The following TMEM43 variants were observed in gnomAD, a reference collection of about 807,000 sequenced individuals.
TMEM43 encodes arrhythmogenic right ventricular dysplasia 5.
A neutral mutation model predicts 49.6 loss-of-function variants in TMEM43; 45 were observed. The ratio of observed to expected loss-of-function variants is 0.91; its 90% CI spans 0.71 to 1.16. The LOEUF (loss-of-function observed/expected upper bound fraction) is 1.16. Ranked by LOEUF, TMEM43 falls within the 50% of genes most tolerant of loss-of-function variation. The pLI is 0.00. For synonymous variants in TMEM43, 199 were observed against 207.8 expected (o/e 0.96, Z 0.36); for missense variants, 532 against 516.6 (o/e 1.03, Z -0.29).
rs1216534551 is a variant in TMEM43, at chr3:14,143,515, T to C, written c.*1720T>C. 6.6e-6 allele frequency: 1 copy of C among 152,242 alleles called. No homozygotes were observed. Among genetic ancestry groups the C allele is most frequent in the African/African-American group, 2.4e-5 (1 of 41,466 alleles). The allele number at this position is 152,242 out of a possible 1,614,324, so 9.4% of individuals were successfully genotyped here. On this transcript the variant is annotated 3_prime_UTR_variant, in exon 12 of 12. Transcript: ENST00000306077. ...TAGATGATGACTAAATGCAAAATCC[T>C]TGGGCTTTGGTTTTTTTCTAGTAAG...
At chr3:14,139,116 G>C (rs563110363) in intron 10 of TMEM43, 64 bp from the exon 11 acceptor site, 4 of 1,224,572 alleles carry the variant, frequency 3.3e-6, no homozygotes, top group Non-Finnish European at 3.6e-6. Flanking sequence ...CTCAGGACCT[G>C]CCCTGCCGAC....
chr3:14,133,098 C>G (rs539231825), intron 6 of TMEM43, among the ~76,000 whole-genome samples, 163 bp downstream of exon 6: 1 of 152,336 alleles, frequency 6.6e-6, no homozygotes, highest in South Asian at 2.1e-4. Context: ...ACCAGGAACA[C>G]AGAGACTTGT....
intron 6 of TMEM43, 104 bp from the exon 7 acceptor site, chr3:14,133,635 G>T (rs1481452588): frequency 2.3e-5 from 24 of 1,062,008 alleles, no homozygotes; most frequent in South Asian, 2.5e-5. Flanking sequence ...ATCTGGACTT[G>T]CAGGAACCCC....
At position 14,126,290 on chromosome 3, in the gene TMEM43, C is replaced by T. The variant is rs143476164; in HGVS notation, c.12+1085C>T. 3.7e-3 allele frequency among the ~76,000 whole-genome samples: 569 copies of T among 152,318 alleles called. 1 individual carries two copies. The highest frequency in any genetic ancestry group is 0.013 in the African/African-American group (546 of 41,564). ...TCAGAGGTATTCGGAGAGACTCAGGCTCGGCCAGGCGAGAGGGCAGTCAGG... is the reference window on the plus strand; with the variant it reads ...TCAGAGGTATTCGGAGAGACTCAGGTTCGGCCAGGCGAGAGGGCAGTCAGG... On this transcript the variant is annotated intron_variant, in intron 1 of 11. Coordinates refer to ENST00000306077, the MANE Select transcript of TMEM43 (RefSeq NM_024334.3).
intron 4 of TMEM43, 35 bp from the exon 5 acceptor site, chr3:14,132,511 G>A (rs952837460): frequency 4.3e-6 from 7 of 1,613,716 alleles, no homozygotes; most frequent in African/African-American, 4.0e-5. Context: ...GGGGCGACGA[G>A]GCTAACCCCC....
chr3:14,131,413 G>A (rs887403588), intron 3 of TMEM43, among the ~76,000 whole-genome samples, 167 bp from the exon 4 acceptor site: 2 of 152,220 alleles, frequency 1.3e-5, no homozygotes, highest in African/African-American at 4.8e-5. Flanking sequence ...AAAGAACCTG[G>A]GACAGGGAGT....
rs745694031 is a variant in TMEM43 at position 14,130,820 on chromosome 3, A to T, written c.163-2A>T. On this transcript the variant is annotated splice_acceptor_variant, in intron 2 of 11. Coordinates refer to ENST00000306077, the MANE Select transcript of TMEM43 (RefSeq NM_024334.3). LOFTEE classifies it high-confidence loss of function. ...GAAATCCCCACTCCCCTTTGCTCCC[A>T]GGGCCGCGCATTGAAGACGGCAACC... is the stretch of plus-strand genomic sequence containing the variant. 1 of 1,613,564 alleles carries T rather than the reference A, an allele frequency of 6.2e-7. No individual in the cohort carries two copies. The highest frequency in any genetic ancestry group is 1.7e-5 in the Admixed American group (1 of 59,928).
intron 11 of TMEM43, 23 bp downstream of exon 11, chr3:14,139,320 G>C: frequency 1.3e-6 from 2 of 1,538,092 alleles, no homozygotes; most frequent in South Asian, 1.1e-5. Flanking sequence ...GTGGGTCACT[G>C]CCCTCCCTCC....
At position 14,134,821 on chromosome 3, in the gene TMEM43, A is replaced by C; in HGVS notation, c.635A>C (p.Glu212Ala). The C allele has an allele frequency of 6.2e-7, 1 of 1,614,194 alleles. No homozygotes were observed. Among genetic ancestry groups the C allele is most frequent in the Non-Finnish European group, 8.5e-7 (1 of 1,180,020 alleles). ...AAGTCCCTGAGCCTATCCAAGCTGG[A>C]GGACCCTCATGTGGACATCATTCGC... is the stretch of plus-strand genomic sequence containing the variant. ...NFKSLSLSKL[E>A]DPHVDIIRRG... The change falls in exon 8 of 12, where the codon GAG becomes GCG. Residue 212 changes from glutamate (E) to alanine (A), a missense_variant. Glu to Ala is a moderately radical substitution (Grantham distance 107). Transcript: ENST00000306077.
chr3:14,130,805 C>T lies in TMEM43; in HGVS notation c.163-17C>T, dbSNP rs1695082822. The T allele has an allele frequency of 6.2e-7, 1 of 1,613,372 alleles. No homozygotes were observed. Among genetic ancestry groups the T allele is most frequent in the Non-Finnish European group, 8.5e-7 (1 of 1,179,744 alleles). On this transcript the variant is annotated splice_polypyrimidine_tract_variant and intron_variant, in intron 2 of 11. Transcript: ENST00000306077. ...CACCCCTGAGCTGTTGAAATCCCCACTCCCCTTTGCTCCCAGGGCCGCGCA... is the reference window on the plus strand; with the variant it reads ...CACCCCTGAGCTGTTGAAATCCCCATTCCCCTTTGCTCCCAGGGCCGCGCA...
intron 2 of TMEM43, among the ~76,000 whole-genome samples, chr3:14,130,173 T>A (rs1214707554): frequency 6.6e-6 from 1 of 152,060 alleles, no homozygotes; most frequent in Non-Finnish European, 1.5e-5. Flanking sequence ...TATTTCTAAA[T>A]CAATTTAGCA....
chr3:14,135,744 G>T, intron 9 of TMEM43, 63 bp from the exon 10 acceptor site: 5 of 1,437,454 alleles, frequency 3.5e-6, no homozygotes, highest in Non-Finnish European at 2.9e-6. Flanking sequence ...GGTGGGCCAT[G>T]GCTCTCGTGG....
intron 11 of TMEM43, among the ~76,000 whole-genome samples, chr3:14,140,507 G>A (rs965044804): frequency 2.6e-5 from 4 of 152,140 alleles, no homozygotes; most frequent in African/African-American, 7.2e-5. Flanking sequence ...AAATACCAAC[G>A]TGTGTAAGAC....
At chr3:14,129,685 T>G in intron 2 of TMEM43, 124 bp downstream of exon 2, 4 of 1,023,014 alleles carry the variant, frequency 3.9e-6, no homozygotes, top group Non-Finnish European at 5.9e-6. Flanking sequence ...GAAAGGAGGA[T>G]ACTGAGTTAA....
chr3:14,128,954 C>G (rs1695055625), intron 1 of TMEM43: 1 of 456,520 alleles, frequency 2.2e-6, no homozygotes, highest in Non-Finnish European at 4.4e-6. Flanking sequence ...TGAAAAGGAA[C>G]AAATTCCTGA....
intron 10 of TMEM43, chr3:14,137,089 T>G (rs1438421058): frequency 6.7e-6 from 1 of 149,540 alleles, no homozygotes; most frequent in Non-Finnish European, 1.5e-5. Context: ...TGACCTTTTG[T>G]TCCTATTATT....
At chr3:14,134,267 T>C (rs1340416476) in intron 7 of TMEM43, among the ~76,000 whole-genome samples, 2 of 152,164 alleles carry the variant, frequency 1.3e-5, no homozygotes, top group Non-Finnish European at 2.9e-5. Context: ...TTGCAAGGGA[T>C]AAGGTGGCAC....
rs745493638 is a variant in TMEM43, at chr3:14,136,728, G to A, written c.882+820G>A. Among the ~76,000 whole-genome samples the A allele has an allele frequency of 8.8e-5, 12 of 136,384 alleles. 1 individual carries two copies. Among genetic ancestry groups the A allele is most frequent in the Non-Finnish European group, 1.5e-4 (10 of 67,456 alleles). 89.5% of individuals were successfully genotyped at this position (136,384 alleles called of 152,430 possible). A position where few individuals can be genotyped will look rare whatever the true frequency, so the allele number is the denominator to read the frequency against. On this transcript the variant is annotated intron_variant, in intron 10 of 11. Transcript: ENST00000306077. ...GGGTGGGGGGGCTCCACCAAAGTCT[G>A]TGTCCTTCCAGAACATTAGGAGGGC...
At chr3:14,129,744 A>AG (rs1352334258) in intron 2 of TMEM43, among the ~76,000 whole-genome samples, 183 bp downstream of exon 2, 1 of 152,236 alleles carries the variant, frequency 6.6e-6, no homozygotes. Context: ...GTGAGCAGGA[A>AG]GGGGAGTAGA....
Sources: gnomAD v4.1 joint callset for allele counts (sites outside exome capture counted in the v4.1 genomes callset) on GRCh38, gnomAD v4.1.1 for gene constraint, MANE v1.5 for transcripts, NCBI Gene and HGNC (gene_info 2026-07-23, HGNC 2026-07-21) for gene names.